The following LMTK2 variants were observed in gnomAD, a reference collection of about 807,000 sequenced individuals.
The protein encoded by LMTK2 is serine/threonine-protein kinase LMTK2.
LMTK2 carries 37 observed loss-of-function variants against 127.5 expected under a neutral mutation model. The observed-to-expected ratio is 0.29, with a 90% CI of 0.22 to 0.38. The LOEUF is 0.38. Ranked by LOEUF, LMTK2 falls within the 10% of genes least tolerant of loss-of-function variation. The pLI is 1.00. For synonymous variants in LMTK2, 819 were observed against 810.1 expected, an observed-to-expected ratio of 1.01 and a Z score of -0.19; for missense variants, 1,694 against 1,920.3, an observed-to-expected ratio of 0.88 and a Z score of 2.20.
intron 13 of LMTK2, among the ~76,000 whole-genome samples, chr7:98,205,077 T>A (rs888932300): frequency 1.3e-5 from 2 of 152,206 alleles, no homozygotes; most frequent in African/African-American, 4.8e-5. Context: ...TAAAGGTTAA[T>A]AGGCTCATTT....
intron 3 of LMTK2, among the ~76,000 whole-genome samples, chr7:98,147,085 G>A (rs371417809): frequency 4.1e-4 from 62 of 152,262 alleles, no homozygotes; most frequent in African/African-American, 1.0e-3. Flanking sequence ...TAGCCTCCAC[G>A]GATTCTTTTG....
chr7:98,195,838 C>T (rs951574590), intron 11 of LMTK2, among the ~76,000 whole-genome samples: 1 of 152,134 alleles, frequency 6.6e-6, no homozygotes, highest in African/African-American at 2.4e-5. Context: ...CTTTAAAAAT[C>T]GTTAAATCAC....
At chr7:98,170,672 T>C (rs1462795419) in intron 6 of LMTK2, among the ~76,000 whole-genome samples, 4 of 152,168 alleles carry the variant, frequency 2.6e-5, no homozygotes, top group African/African-American at 9.7e-5. Flanking sequence ...TGGAATGAAA[T>C]CATATCAATA....
Position 98,197,507 on chromosome 7 carries a change from A to G in LMTK2, c.4107+2935A>G, listed in dbSNP as rs74919740. 5.6e-3 allele frequency among the ~76,000 whole-genome samples: 858 copies of G among 152,296 alleles called. 13 individuals carry two copies. The highest frequency in any genetic ancestry group is 0.042 in the Admixed American group (637 of 15,298). On this transcript the variant is annotated intron_variant, in intron 11 of 13. Transcript: ENST00000297293. ...ACAAAAGTAGCGGGTAATGATGCTT[A>G]CTTGCAATTAGTGCGACAGGGTTCC...
chr7:98,157,196 G>A (rs1796936971), intron 5 of LMTK2, among the ~76,000 whole-genome samples: 1 of 151,670 alleles, frequency 6.6e-6, no homozygotes, highest in East Asian at 1.9e-4. Flanking sequence ...AGGCTGCAGC[G>A]AGCCATGATC....
intron 1 of LMTK2, among the ~76,000 whole-genome samples, chr7:98,114,057 G>A (rs530146513): frequency 1.1e-3 from 167 of 151,994 alleles, no homozygotes; most frequent in Non-Finnish European, 2.0e-3. Context: ...CGCAGCCACA[G>A]CATTGATCAG....
rs572045229 is a variant in LMTK2, at chr7:98,132,453, G to A, written c.104-4862G>A. ...TTTAGTAGAGACGGGATTTCACCATGTTGGTCAGGATGGTCTCAATCTCCT... is the reference window on the plus strand; with the variant it reads ...TTTAGTAGAGACGGGATTTCACCATATTGGTCAGGATGGTCTCAATCTCCT... On this transcript the variant is annotated intron_variant, in intron 1 of 13. Coordinates refer to ENST00000297293, the MANE Select transcript of LMTK2 (RefSeq NM_014916.4). Among the ~76,000 whole-genome samples the A allele has an allele frequency of 1.1e-4, 17 of 152,264 alleles. No homozygotes were observed. In the East Asian group the frequency reaches 3.1e-3, roughly 28 times the overall value.
At chr7:98,176,023 A>C (rs1584281916) in intron 7 of LMTK2, among the ~76,000 whole-genome samples, 2 of 152,374 alleles carry the variant, frequency 1.3e-5, no homozygotes, top group Non-Finnish European at 2.9e-5. Context: ...GAAATTATTG[A>C]CGATTCTCCT....
chr7:98,117,216 T>C (rs1254502162), intron 1 of LMTK2, among the ~76,000 whole-genome samples: 1 of 152,226 alleles, frequency 6.6e-6, no homozygotes, highest in African/African-American at 2.4e-5. Context: ...GGAGTTCTGT[T>C]GAAGAGACTC....
At chr7:98,119,822 G>T (rs906809892) in intron 1 of LMTK2, among the ~76,000 whole-genome samples, 1 of 152,130 alleles carries the variant, frequency 6.6e-6, no homozygotes, top group African/African-American at 2.4e-5. Flanking sequence ...TAATCTATAC[G>T]GTAACTTGCA....
chr7:98,107,183 G>A lies in LMTK2; in HGVS notation c.6G>A (p.Pro2=). 1 of 1,449,220 alleles carries A rather than the reference G, an allele frequency of 6.9e-7. No homozygotes were observed. Among genetic ancestry groups the A allele is most frequent in the Non-Finnish European group, 9.0e-7 (1 of 1,109,204 alleles). 89.8% of individuals were successfully genotyped at this position (1,449,220 alleles called of 1,614,324 possible). Reference sequence around the variant, plus strand: ...GGAGCCGCGCCGTGGGCGAGATGCCGGGGCCGCCGGCGTTGCGGCGGAGGC... The same window carrying A: ...GGAGCCGCGCCGTGGGCGAGATGCCAGGGCCGCCGGCGTTGCGGCGGAGGC... M[P]GPPALRRRLL... Residue 2 remains proline (P), a synonymous_variant, in exon 1 of 14, where the codon CCG becomes CCA. Coordinates refer to ENST00000297293, the MANE Select transcript of LMTK2 (RefSeq NM_014916.4).
rs1350102530 is a variant in LMTK2 at position 98,203,385 on chromosome 7, C to T, written c.4108-189C>T. ...GGCTGCTTCATGCCTCTGCCGAGGT[C>T]AGAGCTGCAGGCAGAGGGAGAGACA... On this transcript the variant is annotated intron_variant, in intron 11 of 13. Transcript: ENST00000297293. 2.0e-5 allele frequency among the ~76,000 whole-genome samples: 3 copies of T among 152,228 alleles called. No individual in the cohort carries two copies. In the East Asian group the frequency reaches 5.8e-4, roughly 29 times the overall value.
At chr7:98,122,199 T>G (rs2116332002) in intron 1 of LMTK2, among the ~76,000 whole-genome samples, 1 of 152,274 alleles carries the variant, frequency 6.6e-6, no homozygotes, top group East Asian at 1.9e-4. Flanking sequence ...AGGTCTGGAC[T>G]CCTTTTTTTT....
At position 98,111,886 on chromosome 7, in the gene LMTK2, C is replaced by T. The variant is rs1796206235; in HGVS notation, c.103+4606C>T. On this transcript the variant is annotated intron_variant, in intron 1 of 13. Coordinates refer to ENST00000297293, the MANE Select transcript of LMTK2 (RefSeq NM_014916.4). Reference sequence around the variant, plus strand: ...ATTTAAGTCTAAGCTGGTATTGTTACTACTTGAAATTCGTAGTGTTGGAGA... The same window carrying T: ...ATTTAAGTCTAAGCTGGTATTGTTATTACTTGAAATTCGTAGTGTTGGAGA... 2.6e-5 allele frequency among the ~76,000 whole-genome samples: 4 copies of T among 152,196 alleles called. No homozygotes were observed. In the South Asian group the frequency reaches 8.3e-4, roughly 31 times the overall value.
At chr7:98,141,176 AAC>A (rs1469332858) in intron 2 of LMTK2, among the ~76,000 whole-genome samples, 4 of 152,184 alleles carry the variant, frequency 2.6e-5, no homozygotes, top group South Asian at 4.1e-4. Flanking sequence ...ACTTCAAACT[AAC>A]AGTTTAAAAA....
chr7:98,172,390 C>T (rs1196060160), intron 7 of LMTK2, among the ~76,000 whole-genome samples: 1 of 151,416 alleles, frequency 6.6e-6, no homozygotes, highest in Non-Finnish European at 1.5e-5. Flanking sequence ...CTGCAAGCTC[C>T]ACCTCCCGGG....
intron 11 of LMTK2, among the ~76,000 whole-genome samples, chr7:98,198,322 C>G (rs1797660286): frequency 6.6e-6 from 1 of 151,922 alleles, no homozygotes; most frequent in African/African-American, 2.4e-5. Flanking sequence ...TCCTCAATAG[C>G]TGGGATTACA....
chr7:98,151,357 AT>A, intron 3 of LMTK2, 24 bp from the exon 4 acceptor site: 1 of 1,520,480 alleles, frequency 6.6e-7, no homozygotes, highest in Non-Finnish European at 9.1e-7. Context: ...CTTATATTTC[AT>A]TTTTAATGTT....
chr7:98,108,594 A>C (rs1298069788), intron 1 of LMTK2, among the ~76,000 whole-genome samples: 1 of 152,198 alleles, frequency 6.6e-6, no homozygotes, highest in Non-Finnish European at 1.5e-5. Flanking sequence ...AGATAAGAAG[A>C]GTAAATGTTA....
Sources: allele counts gnomAD v4.1 joint callset (sites outside exome capture counted in the v4.1 genomes callset), GRCh38; gene constraint gnomAD v4.1.1; transcripts MANE v1.5; gene names NCBI Gene and HGNC (gene_info 2026-07-23, HGNC 2026-07-21).